ADAT2: variants seen among roughly 807,000 people sequenced by gnomAD.
ADAT2 encodes adenosine deaminase tRNA specific 2.
ADAT2 carries 26 observed loss-of-function variants against 25.9 expected under a neutral mutation model. The ratio of observed to expected loss-of-function variants is 1.00; its 90% confidence interval spans 0.74 to 1.39. The LOEUF is 1.39. Among genes scored for constraint, ADAT2 ranks in the 40% most tolerant of loss-of-function variants. ADAT2 has a pLI of 0.00. For synonymous variants in ADAT2, 76 were observed against 86.8 expected (o/e 0.88, Z 0.69); for missense variants, 220 against 244.8 (o/e 0.90, Z 0.68).
rs770087867 is a variant in ADAT2, at chr6:143,444,952, T to C, written c.96+5611A>G. 1.1e-4 allele frequency: 142 copies of C among 1,302,956 alleles called. No homozygotes were observed. Among genetic ancestry groups the C allele is most frequent in the Non-Finnish European group, 1.3e-4 (125 of 988,522 alleles). 80.7% of individuals were successfully genotyped at this position (1,302,956 alleles called of 1,614,324 possible). A position where few individuals can be genotyped will look rare whatever the true frequency, so the allele number is the denominator to read the frequency against. On this transcript the variant is annotated intron_variant, in intron 1 of 5. Coordinates refer to ENST00000237283, the MANE Select transcript of ADAT2 (RefSeq NM_182503.3). The surrounding 1 kb of genome is among the most constrained non-coding windows in gnomAD (Gnocchi z 4.3). Reference sequence around the variant, plus strand: ...CCTTGTTTGCACACAGTTTGATGAGTCCTTAAAGAAATATTTCCTATAAAG... The same window carrying C: ...CCTTGTTTGCACACAGTTTGATGAGCCCTTAAAGAAATATTTCCTATAAAG...
Position 143,432,971 on chromosome 6 carries a change from A to G in ADAT2, c.353-360T>C, listed in dbSNP as rs1002430805. ...ATCCAGGGATTTTCACCTTTTAGAA[A>G]TAAAAGATTCTTCCCTGTTCTTGCC... is the stretch of plus-strand genomic sequence containing the variant. On this transcript the variant is annotated intron_variant, in intron 3 of 5. Coordinates refer to ENST00000237283, the MANE Select transcript of ADAT2 (RefSeq NM_182503.3). The surrounding 1 kb of genome is among the most constrained non-coding windows in gnomAD (Gnocchi z 4.4). Among the ~76,000 whole-genome samples, 4 of 152,338 alleles carry G rather than the reference A, an allele frequency of 2.6e-5. No homozygotes were observed. Among genetic ancestry groups the G allele is most frequent in the Middle Eastern group, 3.4e-3 (1 of 294 alleles).
chr6:143,441,021 G>A (rs1779442612), intron 1 of ADAT2, among the ~76,000 whole-genome samples: 1 of 152,134 alleles, frequency 6.6e-6, no homozygotes, highest in Non-Finnish European at 1.5e-5. Flanking sequence ...CTTTGAAGAT[G>A]GAGGGATGGG....
Position 143,432,680 on chromosome 6 carries a change from G to A in ADAT2, c.353-69C>T, listed in dbSNP as rs978649989. ...ATGTATCGTGACAAAATCAGAGTAG[G>A]TTTATACCAGCCATCCTGGAGAGGA... On this transcript the variant is annotated intron_variant, in intron 3 of 5. Coordinates refer to ENST00000237283, the MANE Select transcript of ADAT2 (RefSeq NM_182503.3). The surrounding 1 kb of genome is among the most constrained non-coding windows in gnomAD (Gnocchi z 4.4). 3.0e-5 allele frequency: 43 copies of A among 1,450,306 alleles called. No individual in the cohort carries two copies. The highest frequency in any genetic ancestry group is 3.6e-5 in the Non-Finnish European group (37 of 1,033,914). 89.8% of individuals were successfully genotyped at this position (1,450,306 alleles called of 1,614,324 possible). A position where few individuals can be genotyped will look rare whatever the true frequency, so the allele number is the denominator to read the frequency against.
In ADAT2 at chr6:143,437,060, A is replaced by T. The variant is rs546475698; in HGVS notation, c.201+1530T>A. On this transcript the variant is annotated intron_variant, in intron 2 of 5. Transcript: ENST00000237283. The surrounding 1 kb of genome is among the most constrained non-coding windows in gnomAD (Gnocchi z 4.1). Reference sequence around the variant, plus strand: ...TTCGATCTACTATTTTTCATAAGCAAATTGATAAAAAAGTTTTTTTGGGGG... The same window carrying T: ...TTCGATCTACTATTTTTCATAAGCATATTGATAAAAAAGTTTTTTTGGGGG... 3.8e-3 allele frequency among the ~76,000 whole-genome samples: 541 copies of T among 143,480 alleles called. 6 individuals carry two copies. The highest frequency in any genetic ancestry group is 0.013 in the African/African-American group (513 of 40,668). The allele number at this position is 143,480 out of a possible 152,430, so 94.1% of individuals were successfully genotyped here. A position where few individuals can be genotyped will look rare whatever the true frequency, so the allele number is the denominator to read the frequency against.
At chr6:143,430,088 C>T (rs935041644) in intron 4 of ADAT2, among the ~76,000 whole-genome samples, 1 of 152,186 alleles carries the variant, frequency 6.6e-6, no homozygotes, top group Non-Finnish European at 1.5e-5. Flanking sequence ...AGGCAACTGG[C>T]CACACCTGCT....
At chr6:143,430,644 C>T (rs1316058174) in intron 4 of ADAT2, among the ~76,000 whole-genome samples, 2 of 152,146 alleles carry the variant, frequency 1.3e-5, no homozygotes, top group Admixed American at 6.5e-5. Flanking sequence ...TCACTCACTG[C>T]GAGCTCTGCC....
Position 143,434,854 on chromosome 6 carries a change from A to G in ADAT2, c.202-873T>C, listed in dbSNP as rs1277187348. ...AATATTCATGACAATAGTATTTATC[A>G]ATAATTTACACTGAGTATTAACCAT... On this transcript the variant is annotated intron_variant, in intron 2 of 5. Coordinates refer to ENST00000237283, the MANE Select transcript of ADAT2 (RefSeq NM_182503.3). The surrounding 1 kb of genome is among the most constrained non-coding windows in gnomAD (Gnocchi z 4.5). Among the ~76,000 whole-genome samples, 1 of 152,226 alleles carries G rather than the reference A, an allele frequency of 6.6e-6. No individual in the cohort carries two copies.
Position 143,450,475 on chromosome 6 carries a change from G to A in ADAT2, c.96+88C>T, listed in dbSNP as rs912174598. On this transcript the variant is annotated intron_variant, in intron 1 of 5. Coordinates refer to ENST00000237283, the MANE Select transcript of ADAT2 (RefSeq NM_182503.3). ...TGACTGCCATAAAAATTATGGTGAC[G>A]AGAAAGAACGTTTGCTCAAATGCCG... 5.7e-6 allele frequency: 8 copies of A among 1,405,574 alleles called. No individual in the cohort carries two copies. In the Admixed American group the frequency reaches 7.0e-5, roughly 12 times the overall value. 87.1% of individuals were successfully genotyped at this position (1,405,574 alleles called of 1,614,324 possible).
intron 1 of ADAT2, chr6:143,441,631 G>A (rs1472854484): frequency 6.6e-6 from 1 of 152,042 alleles, no homozygotes; most frequent in Non-Finnish European, 1.5e-5. Flanking sequence ...GATTTATGAG[G>A]TATCCTCCCC....
chr6:143,438,713 A>T lies in ADAT2; in HGVS notation c.97-19T>A. The T allele has an allele frequency of 3.1e-6, 5 of 1,589,914 alleles. No homozygotes were observed. Among genetic ancestry groups the T allele is most frequent in the Non-Finnish European group, 4.3e-6 (5 of 1,158,174 alleles). On this transcript the variant is annotated intron_variant, in intron 1 of 5. Coordinates refer to ENST00000237283, the MANE Select transcript of ADAT2 (RefSeq NM_182503.3). ...CTTTGGCCTGAAACACAAAGTGGAAAATGTAAGACGTAATACTCCATACTT... is the reference window on the plus strand; with the variant it reads ...CTTTGGCCTGAAACACAAAGTGGAATATGTAAGACGTAATACTCCATACTT...
chr6:143,447,887 CA>C (rs2128744254), intron 1 of ADAT2, among the ~76,000 whole-genome samples: 2 of 152,266 alleles, frequency 1.3e-5, no homozygotes, highest in South Asian at 4.1e-4. Flanking sequence ...CCAGCCATCC[CA>C]TTACTGAGCA....
Position 143,442,480 on chromosome 6 carries a change from C to T in ADAT2, c.97-3786G>A, listed in dbSNP as rs1483093737. ...ACAAAATTGCATAGGCACGCATACACACACACACACACACACACACACACA... is the reference window on the plus strand; with the variant it reads ...ACAAAATTGCATAGGCACGCATACATACACACACACACACACACACACACA... On this transcript the variant is annotated intron_variant, in intron 1 of 5. Transcript: ENST00000237283. This position sits in a 1 kb window ranked among gnomAD's most constrained non-coding sequence, Gnocchi z 4.6. Among the ~76,000 whole-genome samples the T allele has an allele frequency of 6.8e-6, 1 of 147,534 alleles. No individual in the cohort carries two copies. Among genetic ancestry groups the T allele is most frequent in the South Asian group, 2.2e-4 (1 of 4,508 alleles).
At chr6:143,443,555 G>A (rs1310138819) in intron 1 of ADAT2, among the ~76,000 whole-genome samples, 1 of 152,168 alleles carries the variant, frequency 6.6e-6, no homozygotes, top group Non-Finnish European at 1.5e-5. Flanking sequence ...AATAGGCTGA[G>A]CACAGTGGCC....
In ADAT2 at chr6:143,432,328, C is replaced by T. The variant is rs938457570; in HGVS notation, c.459+177G>A. 6.6e-6 allele frequency among the ~76,000 whole-genome samples: 1 copy of T among 152,186 alleles called. No individual in the cohort carries two copies. The highest frequency in any genetic ancestry group is 2.4e-5 in the African/African-American group (1 of 41,448). ...AGAGAGGTAGGCACTCATCTAGAAACTCTTCCCTGTCATCTTATACTGAGG... is the reference window on the plus strand; with the variant it reads ...AGAGAGGTAGGCACTCATCTAGAAATTCTTCCCTGTCATCTTATACTGAGG... On this transcript the variant is annotated intron_variant, in intron 4 of 5. Coordinates refer to ENST00000237283, the MANE Select transcript of ADAT2 (RefSeq NM_182503.3). The surrounding 1 kb of genome is among the most constrained non-coding windows in gnomAD (Gnocchi z 4.4).
Position 143,432,687 on chromosome 6 carries a change from C to G in ADAT2, c.353-76G>C. Reference sequence around the variant, plus strand: ...GTGACAAAATCAGAGTAGGTTTATACCAGCCATCCTGGAGAGGAACGCTCA... The same window carrying G: ...GTGACAAAATCAGAGTAGGTTTATAGCAGCCATCCTGGAGAGGAACGCTCA... On this transcript the variant is annotated intron_variant, in intron 3 of 5. Transcript: ENST00000237283. This position sits in a 1 kb window ranked among gnomAD's most constrained non-coding sequence, Gnocchi z 4.4. 7.1e-7 allele frequency: 1 copy of G among 1,401,704 alleles called. No homozygotes were observed. Among genetic ancestry groups the G allele is most frequent in the Non-Finnish European group, 1.0e-6 (1 of 991,266 alleles). The allele number at this position is 1,401,704 out of a possible 1,614,324, so 86.8% of individuals were successfully genotyped here.
In ADAT2 at chr6:143,436,165, G is replaced by A. The variant is rs1440975231; in HGVS notation, c.202-2184C>T. On this transcript the variant is annotated intron_variant, in intron 2 of 5. Transcript: ENST00000237283. This position sits in a 1 kb window ranked among gnomAD's most constrained non-coding sequence, Gnocchi z 4.1. ...TGAGATAGAACTGCTTCTACTTTCT[G>A]TATTTGAAATTTTAAAAAGGTATTT... is the stretch of plus-strand genomic sequence containing the variant. 6.4e-6 allele frequency: 1 copy of A among 156,630 alleles called. No individual in the cohort carries two copies. Among genetic ancestry groups the A allele is most frequent in the Non-Finnish European group, 1.4e-5 (1 of 70,430 alleles). 9.7% of individuals were successfully genotyped at this position (156,630 alleles called of 1,614,324 possible). A position where few individuals can be genotyped will look rare whatever the true frequency, so the allele number is the denominator to read the frequency against.
chr6:143,424,310 G>A lies in ADAT2; in HGVS notation c.*4153C>T, dbSNP rs1236711316. On this transcript the variant is annotated 3_prime_UTR_variant, in exon 6 of 6. Transcript: ENST00000237283. This position sits in a 1 kb window ranked among gnomAD's most constrained non-coding sequence, Gnocchi z 4.8. Reference sequence around the variant, plus strand: ...CCCTGGGGCTATAAGGCCAGTTCACGTAGGACCACTGGGAAAGACAAGCTT... The same window carrying A: ...CCCTGGGGCTATAAGGCCAGTTCACATAGGACCACTGGGAAAGACAAGCTT... 3 of 152,196 alleles carry A rather than the reference G, an allele frequency of 2.0e-5. No individual in the cohort carries two copies. Among genetic ancestry groups the A allele is most frequent in the African/African-American group, 4.8e-5 (2 of 41,458 alleles). 9.4% of individuals were successfully genotyped at this position (152,196 alleles called of 1,614,324 possible). A position where few individuals can be genotyped will look rare whatever the true frequency, so the allele number is the denominator to read the frequency against.
In ADAT2 at chr6:143,436,311, G is replaced by C. The variant is rs73778385; in HGVS notation, c.201+2279C>G. 8.4e-6 allele frequency: 2 copies of C among 238,104 alleles called. No individual in the cohort carries two copies. The highest frequency in any genetic ancestry group is 1.7e-5 in the Non-Finnish European group (2 of 115,084). 14.7% of individuals were successfully genotyped at this position (238,104 alleles called of 1,614,324 possible). On this transcript the variant is annotated intron_variant, in intron 2 of 5. Transcript: ENST00000237283. The surrounding 1 kb of genome is among the most constrained non-coding windows in gnomAD (Gnocchi z 4.1). ...CCCAGTATGGCCTCTATCTAACAGA[G>C]GCTGCCATTTTCAGGGGCTGGATGT...
At position 143,444,997 on chromosome 6, in the gene ADAT2, A is replaced by C. The variant is rs910353947; in HGVS notation, c.96+5566T>G. Reference sequence around the variant, plus strand: ...ATAAAGACAAAAAATTAGGGGGAACAAACAAGTTAGCCAGAACTCTCAGGT... The same window carrying C: ...ATAAAGACAAAAAATTAGGGGGAACCAACAAGTTAGCCAGAACTCTCAGGT... On this transcript the variant is annotated intron_variant, in intron 1 of 5. Transcript: ENST00000237283. The surrounding 1 kb of genome is among the most constrained non-coding windows in gnomAD (Gnocchi z 4.3). 9 of 1,293,926 alleles carry C rather than the reference A, an allele frequency of 7.0e-6. No individual in the cohort carries two copies. In the African/African-American group the frequency reaches 1.4e-4, roughly 20 times the overall value. 80.2% of individuals were successfully genotyped at this position (1,293,926 alleles called of 1,614,324 possible).
Sources: allele counts gnomAD v4.1 joint callset (sites outside exome capture counted in the v4.1 genomes callset), GRCh38; gene constraint gnomAD v4.1.1; non-coding constraint Gnocchi (gnomAD v3.1); transcripts MANE v1.5; gene names NCBI Gene and HGNC (gene_info 2026-07-23, HGNC 2026-07-21).